Variants in LRBA observed in about 807,000 individuals in gnomAD.
LRBA encodes the protein LPS responsive beige-like anchor protein, also known as lipopolysaccharide-responsive and beige-like anchor protein.
In LRBA, 176 loss-of-function variants were observed where a neutral mutation model predicts 330.0. The observed-to-expected ratio is 0.53, with a 90% CI of 0.47 to 0.60. LRBA has a LOEUF of 0.60. LRBA is among the 20% of genes least tolerant of loss of function. LRBA has a pLI of 0.00. For synonymous variants in LRBA, 1,230 were observed against 1,193.0 expected (o/e 1.03, Z -0.64); for missense variants, 3,259 against 3,444.8 (o/e 0.95, Z 1.35).
chr4:150,401,903 A>G (rs1745515959), intron 47 of LRBA, among the ~76,000 whole-genome samples: 1 of 151,986 alleles, frequency 6.6e-6, no homozygotes, highest in East Asian at 1.9e-4. Context: ...GAGAGGGTGA[A>G]AAAAGAGGAG....
At chr4:151,014,245 G>A (rs1745175253) in intron 2 of LRBA, 182 bp downstream of exon 2, 1 of 565,220 alleles carries the variant, frequency 1.8e-6, no homozygotes, top group African/African-American at 1.9e-5. Flanking sequence ...ATCTAAGTTT[G>A]CACAATTCCC....
chr4:150,995,620 G>A (rs1387903201), intron 2 of LRBA, among the ~76,000 whole-genome samples: 1 of 151,920 alleles, frequency 6.6e-6, no homozygotes, highest in Non-Finnish European at 1.5e-5. Flanking sequence ...ATCATTCTAG[G>A]CAAAGGAAAA....
intron 28 of LRBA, among the ~76,000 whole-genome samples, chr4:150,835,671 A>C (rs1361110801): frequency 6.6e-6 from 1 of 152,162 alleles, no homozygotes; most frequent in Non-Finnish European, 1.5e-5. Flanking sequence ...GACTTTGCTG[A>C]AGTTGCTTAT....
At chr4:150,912,604 C>T (rs1021259699) in intron 9 of LRBA, among the ~76,000 whole-genome samples, 3 of 152,176 alleles carry the variant, frequency 2.0e-5, no homozygotes, top group Admixed American at 2.0e-4. Flanking sequence ...GAAACCATCC[C>T]TGCTGCGCCC....
At chr4:150,383,549 C>G (rs1016295346) in intron 47 of LRBA, among the ~76,000 whole-genome samples, 1 of 152,042 alleles carries the variant, frequency 6.6e-6, no homozygotes, top group Admixed American at 6.5e-5. Flanking sequence ...CACTGCACCC[C>G]CAATTTTGTA....
chr4:150,390,833 T>C (rs571713413), intron 47 of LRBA, among the ~76,000 whole-genome samples: 2 of 152,304 alleles, frequency 1.3e-5, no homozygotes, highest in Admixed American at 6.5e-5. Flanking sequence ...CTAAATAAAC[T>C]GTTCAGCTAG....
chr4:150,828,123 A>G, intron 30 of LRBA, 57 bp downstream of exon 30: 1 of 1,521,910 alleles, frequency 6.6e-7, no homozygotes, highest in Middle Eastern at 1.7e-4. Flanking sequence ...CCTAACCCCC[A>G]TGTTGTTCAA....
chr4:150,556,308 T>A (rs961420610), intron 40 of LRBA, among the ~76,000 whole-genome samples: 2 of 152,206 alleles, frequency 1.3e-5, no homozygotes, highest in Non-Finnish European at 1.5e-5. Context: ...CAAAAACATT[T>A]TTGTTTGAAA....
intron 34 of LRBA, among the ~76,000 whole-genome samples, chr4:150,767,041 T>C (rs1735851013): frequency 6.6e-6 from 1 of 151,978 alleles, no homozygotes; most frequent in African/African-American, 2.4e-5. Context: ...ATCTACTACA[T>C]AGATCTCCAC....
intron 2 of LRBA, among the ~76,000 whole-genome samples, chr4:150,991,144 C>T (rs1225787868): frequency 6.6e-6 from 1 of 150,566 alleles, no homozygotes; most frequent in East Asian, 1.9e-4. Flanking sequence ...GAAGAAACAA[C>T]AACACAATTA....
intron 40 of LRBA, among the ~76,000 whole-genome samples, chr4:150,553,106 G>T (rs1766835175): frequency 6.6e-6 from 1 of 151,710 alleles, no homozygotes; most frequent in East Asian, 1.9e-4. Context: ...AGAAAATGTG[G>T]CACATATACA....
At chr4:150,542,338 C>T (rs1423415364) in intron 40 of LRBA, among the ~76,000 whole-genome samples, 1 of 152,138 alleles carries the variant, frequency 6.6e-6, no homozygotes, top group East Asian at 1.9e-4. Flanking sequence ...AGCTATAAAA[C>T]AGAAATAATA....
At chr4:150,666,630 T>C (rs1369041766) in intron 37 of LRBA, among the ~76,000 whole-genome samples, 1 of 152,232 alleles carries the variant, frequency 6.6e-6, no homozygotes, top group Non-Finnish European at 1.5e-5. Flanking sequence ...AGGATATATG[T>C]AAGCTATATG....
At chr4:150,922,441 A>G (rs971064050) in intron 4 of LRBA, among the ~76,000 whole-genome samples, 1 of 150,410 alleles carries the variant, frequency 6.6e-6, no homozygotes, top group Non-Finnish European at 1.5e-5. Flanking sequence ...TCAGCCATTA[A>G]AAGAAATAAA....
At chr4:150,906,448 A>G (rs772746604) in intron 11 of LRBA, 43 bp from the exon 12 acceptor site, 2 of 1,112,626 alleles carry the variant, frequency 1.8e-6, no homozygotes, top group Non-Finnish European at 2.7e-6. Context: ...AACATATTCT[A>G]TTTTTTTTAA....
chr4:150,611,369 G>C (rs1487231962), intron 37 of LRBA, among the ~76,000 whole-genome samples: 1 of 152,066 alleles, frequency 6.6e-6, no homozygotes, highest in East Asian at 1.9e-4. Context: ...CAGTTACTAA[G>C]AAATAGCGCT....
Position 151,002,697 on chromosome 4 carries a change from TA to T in LRBA, c.216+11729del, listed in dbSNP as rs145963697. On this transcript the variant is annotated intron_variant, in intron 2 of 56. Transcript: ENST00000651943. Reference sequence around the variant, plus strand: ...AGTTTACCAAAGAGATAGATGATATTAAAAAAAAAAATCTGGTACTGAAGAA... The same window carrying T: ...AGTTTACCAAAGAGATAGATGATATTAAAAAAAAAATCTGGTACTGAAGAA... 2.2e-3 allele frequency among the ~76,000 whole-genome samples: 324 copies of T among 147,140 alleles called. 4 individuals are homozygous for T. The highest frequency in any genetic ancestry group is 3.9e-3 in the Admixed American group (58 of 14,698).
intron 2 of LRBA, among the ~76,000 whole-genome samples, chr4:150,930,889 TCTC>T (rs1396941265): frequency 6.6e-6 from 1 of 152,210 alleles, no homozygotes; most frequent in Non-Finnish European, 1.5e-5. Flanking sequence ...TGGAGTCAAT[TCTC>T]CTAGTTACAT....
chr4:150,583,503 C>G lies in LRBA; in HGVS notation c.6330+4545G>C. ...AGATGATCGCGGACACCAGCGAGGTCAAGTTGCGCATCAGGGAGCGCTATG... is the reference window on the plus strand; with the variant it reads ...AGATGATCGCGGACACCAGCGAGGTGAAGTTGCGCATCAGGGAGCGCTATG... On this transcript the variant is annotated intron_variant, in intron 40 of 56. Coordinates refer to ENST00000651943, the MANE Select transcript of LRBA (RefSeq NM_001364905.1). This position sits in a 1 kb window ranked among gnomAD's most constrained non-coding sequence, Gnocchi z 9.8. 6.2e-7 allele frequency: 1 copy of G among 1,613,966 alleles called. No individual in the cohort carries two copies. The highest frequency in any genetic ancestry group is 1.3e-5 in the African/African-American group (1 of 75,060).
Sources: gnomAD v4.1 joint callset for allele counts (sites outside exome capture counted in the v4.1 genomes callset) on GRCh38, gnomAD v4.1.1 for gene constraint, Gnocchi (gnomAD v3.1) non-coding constraint, MANE v1.5 for transcripts, NCBI Gene and HGNC (gene_info 2026-07-23, HGNC 2026-07-21) for gene names.